The following NEO1 variants were observed in gnomAD, a reference collection of about 807,000 sequenced individuals.
NEO1 encodes the protein neogenin 1.
A neutral mutation model predicts 159.7 loss-of-function variants in NEO1; 63 were observed. The observed-to-expected ratio is 0.39, with a 90% CI of 0.32 to 0.49. NEO1 has a LOEUF of 0.49. Among genes scored for constraint, NEO1 ranks in the 20% least tolerant of loss-of-function variants. The pLI is 0.85. For missense variants in NEO1, 1,615 were observed against 1,831.0 expected (o/e 0.88, Z 2.15); for synonymous variants, 633 against 662.0 (o/e 0.96, Z 0.67).
At chr15:73,237,290 A>G (rs1476713006) in intron 8 of NEO1, among the ~76,000 whole-genome samples, 1 of 152,192 alleles carries the variant, frequency 6.6e-6, no homozygotes, top group African/African-American at 2.4e-5. Flanking sequence ...TATCCCTAAT[A>G]TTGGCACTTG....
intron 22 of NEO1, among the ~76,000 whole-genome samples, chr15:73,278,561 G>A (rs79103628): frequency 0.011 from 1,632 of 152,222 alleles, 20 homozygotes; most frequent in East Asian, 0.048. Context: ...AGTTCTTCCA[G>A]TGCTACTACA....
At chr15:73,062,151 T>A (rs981313079) in intron 1 of NEO1, among the ~76,000 whole-genome samples, 2 of 152,216 alleles carry the variant, frequency 1.3e-5, no homozygotes, top group African/African-American at 4.8e-5. Context: ...AGAGTGTCTG[T>A]TTCCACACTT....
chr15:73,141,305 A>G (rs2151780148), intron 5 of NEO1, among the ~76,000 whole-genome samples: 1 of 152,338 alleles, frequency 6.6e-6, no homozygotes, highest in Non-Finnish European at 1.5e-5. Context: ...GTGTTAATGT[A>G]GAAAAGGTTG....
At chr15:73,212,871 C>A (rs1451868690) in intron 7 of NEO1, among the ~76,000 whole-genome samples, 2 of 152,092 alleles carry the variant, frequency 1.3e-5, no homozygotes, top group Non-Finnish European at 2.9e-5. Context: ...GTTATGGGAA[C>A]CTCCTAAAGA....
chr15:73,264,267 C>T (rs1257635817), intron 15 of NEO1, among the ~76,000 whole-genome samples: 1 of 152,094 alleles, frequency 6.6e-6, no homozygotes, highest in Non-Finnish European at 1.5e-5. Flanking sequence ...AACTCCTTTG[C>T]AGTATTGACA....
chr15:73,274,258 T>C (rs898563360), intron 20 of NEO1, among the ~76,000 whole-genome samples: 4 of 152,202 alleles, frequency 2.6e-5, no homozygotes, highest in Non-Finnish European at 4.4e-5. Flanking sequence ...GGCAGATCAA[T>C]TGCAGTGATC....
intron 5 of NEO1, chr15:73,161,892 C>T (rs1410434352): frequency 3.0e-5 from 6 of 203,178 alleles, no homozygotes; most frequent in Middle Eastern, 2.1e-3. Flanking sequence ...CCAGCTTTTT[C>T]TGTACTTCCT....
In NEO1 at chr15:73,302,609, A is replaced by G. The variant is rs2042665936; in HGVS notation, c.4303-4A>G. 2 of 1,613,326 alleles carry G rather than the reference A, an allele frequency of 1.2e-6. No homozygotes were observed. Among genetic ancestry groups the G allele is most frequent in the African/African-American group, 2.7e-5 (2 of 74,856 alleles). On this transcript the variant is annotated splice_region_variant and splice_polypyrimidine_tract_variant and intron_variant, in intron 28 of 28. Transcript: ENST00000261908. ...GCCCAGTAACAGTGTTTTCTTTTCC[A>G]TAGAGCTATGAACCAGATGAGCTGA...
At chr15:73,129,272 G>T (rs1490528901) in intron 4 of NEO1, among the ~76,000 whole-genome samples, 1 of 152,126 alleles carries the variant, frequency 6.6e-6, no homozygotes, top group Non-Finnish European at 1.5e-5. Flanking sequence ...CTTTGTTTCT[G>T]CTAGAGCCTT....
intron 5 of NEO1, among the ~76,000 whole-genome samples, chr15:73,165,936 G>A (rs1370911113): frequency 6.6e-6 from 1 of 152,170 alleles, no homozygotes; most frequent in South Asian, 2.1e-4. Flanking sequence ...TCAGGAGACG[G>A]GATTTTCCAT....
At position 73,290,224 on chromosome 15, in the gene NEO1, A is replaced by ATTTTT. The variant is rs34114271; in HGVS notation, c.3742+1010_3742+1014dup. Among the ~76,000 whole-genome samples the ATTTTT allele has an allele frequency of 2.3e-4, 19 of 82,252 alleles. 1 individual carries two copies. Among genetic ancestry groups the ATTTTT allele is most frequent in the East Asian group, 4.3e-4 (1 of 2,342 alleles). The allele number at this position is 82,252 out of a possible 152,430, so 54.0% of individuals were successfully genotyped here. A position where few individuals can be genotyped will look rare whatever the true frequency, so the allele number is the denominator to read the frequency against. ...ATAGCTTTAGGTTTTACTGTGTGGA[A>ATTTTT]TTTTTTTTTTTTTTTTTTTTTTTTT... On this transcript the variant is annotated intron_variant, in intron 25 of 28. Coordinates refer to ENST00000261908, the MANE Select transcript of NEO1 (RefSeq NM_002499.4).
chr15:73,174,781 A>T (rs1349041473), intron 5 of NEO1, among the ~76,000 whole-genome samples: 1 of 152,236 alleles, frequency 6.6e-6, no homozygotes, highest in Non-Finnish European at 1.5e-5. Context: ...AAACGGCAGC[A>T]TATTTATATA....
chr15:73,091,922 G>A (rs962110074), intron 1 of NEO1, among the ~76,000 whole-genome samples: 2 of 151,896 alleles, frequency 1.3e-5, no homozygotes, highest in South Asian at 4.2e-4. Context: ...CACCGTGCCT[G>A]GCCTGTGAGC....
intron 7 of NEO1, among the ~76,000 whole-genome samples, chr15:73,224,491 G>C (rs937776571): frequency 6.6e-6 from 1 of 152,072 alleles, no homozygotes; most frequent in Admixed American, 6.5e-5. Flanking sequence ...CTTCCTGGAG[G>C]CTTTGTTCAT....
At chr15:73,302,526 C>T (rs1292620413) in intron 28 of NEO1, 87 bp from the exon 29 acceptor site, 2 of 1,225,134 alleles carry the variant, frequency 1.6e-6, no homozygotes, top group Non-Finnish European at 2.3e-6. Context: ...TGACTACTGA[C>T]CACATGAGGC....
At chr15:73,203,486 T>C (rs1325783075) in intron 7 of NEO1, among the ~76,000 whole-genome samples, 2 of 152,174 alleles carry the variant, frequency 1.3e-5, no homozygotes, top group Non-Finnish European at 2.9e-5. Flanking sequence ...GTAACCAGAT[T>C]AATATCTACC....
chr15:73,152,191 A>G (rs1297265886), intron 5 of NEO1, among the ~76,000 whole-genome samples: 3 of 152,154 alleles, frequency 2.0e-5, no homozygotes, highest in Admixed American at 6.5e-5. Flanking sequence ...TATGTTGGGT[A>G]TGTTAGGCCT....
At chr15:73,116,161 TAAG>T (rs1474821892) in intron 1 of NEO1, among the ~76,000 whole-genome samples, 4 of 152,198 alleles carry the variant, frequency 2.6e-5, no homozygotes, top group African/African-American at 4.8e-5. Flanking sequence ...AGATACCTCT[TAAG>T]AATCATTTTA....
Position 73,279,346 on chromosome 15 carries a change from TTTTGG to T in NEO1, c.3262+1151_3262+1155del, listed in dbSNP as rs766298794. Among the ~76,000 whole-genome samples, 12 of 105,364 alleles carry T rather than the reference TTTTGG, an allele frequency of 1.1e-4. 3 individuals are homozygous for T. Among genetic ancestry groups the T allele is most frequent in the Admixed American group, 1.2e-4 (1 of 8,418 alleles). The allele number at this position is 105,364 out of a possible 152,430, so 69.1% of individuals were successfully genotyped here. ...CATGCATGTTTTTTTGTTGTTTTGGTTTTGGTTTTTTTTTTTTTTTGAGATGGAAT... is the reference window on the plus strand; with the variant it reads ...CATGCATGTTTTTTTGTTGTTTTGGTTTTTTTTTTTTTTTTGAGATGGAAT... On this transcript the variant is annotated intron_variant, in intron 22 of 28. Coordinates refer to ENST00000261908, the MANE Select transcript of NEO1 (RefSeq NM_002499.4).
Sources: gnomAD v4.1 joint callset for allele counts (sites outside exome capture counted in the v4.1 genomes callset) on GRCh38, gnomAD v4.1.1 for gene constraint, MANE v1.5 for transcripts, NCBI Gene and HGNC (gene_info 2026-07-23, HGNC 2026-07-21) for gene names.